Variants in MYO1B observed in about 807,000 individuals in gnomAD.
The protein encoded by MYO1B is myosin IB, also known as unconventional myosin-Ib.
In MYO1B, 72 loss-of-function variants were observed where a neutral mutation model predicts 159.7. The observed-to-expected ratio is 0.45, with a 90% CI of 0.37 to 0.55. The LOEUF is 0.55. Among genes scored for constraint, MYO1B ranks in the 20% least tolerant of loss-of-function variants. The probability of loss-of-function intolerance (pLI) is 0.00; values close to 1 mark genes in which losing one functional copy is unlikely to be tolerated. For missense variants in MYO1B, 1,062 were observed against 1,364.8 expected (o/e 0.78, Z 3.50); for synonymous variants, 468 against 473.8 (o/e 0.99, Z 0.16).
chr2:191,300,548 T>A (rs1404632885), intron 3 of MYO1B, among the ~76,000 whole-genome samples: 1 of 151,656 alleles, frequency 6.6e-6, no homozygotes, highest in Non-Finnish European at 1.5e-5. Flanking sequence ...TTCACCATAT[T>A]GGCCAGGCTG....
At chr2:191,408,224 A>G (rs1697047114) in intron 25 of MYO1B, 35 bp downstream of exon 25, 2 of 1,492,402 alleles carry the variant, frequency 1.3e-6, no homozygotes, top group Admixed American at 1.7e-5. Context: ...GATAATCAGC[A>G]TTGTGGAATT....
chr2:191,301,991 C>T (rs1559152357), intron 3 of MYO1B, among the ~76,000 whole-genome samples: 1 of 152,172 alleles, frequency 6.6e-6, no homozygotes, highest in African/African-American at 2.4e-5. Flanking sequence ...TTTAGCTGTC[C>T]TCCCTGCTCT....
intron 1 of MYO1B, among the ~76,000 whole-genome samples, chr2:191,273,659 T>C (rs2125729424): frequency 6.6e-6 from 1 of 152,338 alleles, no homozygotes; most frequent in Admixed American, 6.5e-5. Flanking sequence ...GTTGATTGAC[T>C]TAGCCTAGAT....
At chr2:191,285,339 G>C (rs12105453) in intron 2 of MYO1B, among the ~76,000 whole-genome samples, 4,554 of 152,262 alleles carry the variant, frequency 0.03, 235 homozygotes, top group African/African-American at 0.1. Context: ...TTCATAGTCT[G>C]AAATGACTGG....
At chr2:191,323,827 A>G (rs961862185) in intron 3 of MYO1B, among the ~76,000 whole-genome samples, 1 of 152,164 alleles carries the variant, frequency 6.6e-6, no homozygotes, top group Non-Finnish European at 1.5e-5. Flanking sequence ...CCGGTTATGT[A>G]GCCAAAGGAA....
intron 3 of MYO1B, among the ~76,000 whole-genome samples, chr2:191,305,955 G>A (rs1689625710): frequency 1.3e-5 from 2 of 152,090 alleles, no homozygotes; most frequent in Non-Finnish European, 2.9e-5. Flanking sequence ...TTCATCATAC[G>A]TTATTTGGGT....
At chr2:191,324,458 T>G (rs2125903310) in intron 3 of MYO1B, among the ~76,000 whole-genome samples, 1 of 152,280 alleles carries the variant, frequency 6.6e-6, no homozygotes, top group East Asian at 1.9e-4. Flanking sequence ...CTTTTTAGAA[T>G]CCATATAGAG....
intron 2 of MYO1B, among the ~76,000 whole-genome samples, chr2:191,280,855 T>C (rs1162181597): frequency 6.6e-6 from 1 of 152,188 alleles, no homozygotes; most frequent in Non-Finnish European, 1.5e-5. Flanking sequence ...GTTGATGTCA[T>C]GTTAAAGGAT....
chr2:191,338,797 A>G (rs1017999357), intron 4 of MYO1B, among the ~76,000 whole-genome samples: 1 of 152,184 alleles, frequency 6.6e-6, no homozygotes, highest in Non-Finnish European at 1.5e-5. Context: ...AAAGAGCCTG[A>G]CCTAAACTTT....
intron 3 of MYO1B, among the ~76,000 whole-genome samples, chr2:191,313,247 G>A (rs1215203533): frequency 9.7e-6 from 1 of 103,032 alleles, no homozygotes; most frequent in Non-Finnish European, 1.8e-5. Context: ...TTTCACTCTT[G>A]TTGCCCAGGC....
intron 4 of MYO1B, among the ~76,000 whole-genome samples, chr2:191,334,186 G>A (rs567554222): frequency 1.8e-4 from 27 of 151,792 alleles, no homozygotes; most frequent in Non-Finnish European, 2.4e-4. Context: ...AGTGGGTTGC[G>A]GTCATTGTTT....
chr2:191,247,209 G>T (rs1685845463), intron 1 of MYO1B, among the ~76,000 whole-genome samples: 1 of 152,180 alleles, frequency 6.6e-6, no homozygotes, highest in South Asian at 2.1e-4. Context: ...TAATTTAGGA[G>T]ACATTCTGTT....
At position 191,245,559 on chromosome 2, in the gene MYO1B, G is replaced by A. The variant is rs990676961; in HGVS notation, c.-77G>A. On this transcript the variant is annotated 5_prime_UTR_variant, in exon 1 of 31. Transcript: ENST00000392318. Reference sequence around the variant, plus strand: ...CAGCCCCGGGCTGGGCCCGCGTCCCGGAGCGCCACCGGAGAGCGAGGACGA... The same window carrying A: ...CAGCCCCGGGCTGGGCCCGCGTCCCAGAGCGCCACCGGAGAGCGAGGACGA... The A allele has an allele frequency of 2.0e-5, 3 of 152,116 alleles. No homozygotes were observed. The highest frequency in any genetic ancestry group is 7.2e-5 in the African/African-American group (3 of 41,434). The allele number at this position is 152,116 out of a possible 1,614,324, so 9.4% of individuals were successfully genotyped here.
intron 1 of MYO1B, among the ~76,000 whole-genome samples, chr2:191,266,608 C>T (rs1322457983): frequency 6.6e-6 from 1 of 152,122 alleles, no homozygotes. Flanking sequence ...ATTTTCAGAC[C>T]CGTCAGAAAA....
At chr2:191,318,924 G>T (rs1559165038) in intron 3 of MYO1B, among the ~76,000 whole-genome samples, 2 of 152,144 alleles carry the variant, frequency 1.3e-5, no homozygotes, top group East Asian at 3.8e-4. Flanking sequence ...AAGCATGGCT[G>T]TTTAGTCACT....
intron 6 of MYO1B, 117 bp downstream of exon 6, chr2:191,346,399 A>G (rs1692568905): frequency 4.6e-6 from 3 of 648,710 alleles, no homozygotes; most frequent in East Asian, 6.9e-5. Context: ...GAGGAACATC[A>G]TCTCTATTGA....
At chr2:191,409,239 A>T in intron 26 of MYO1B, 61 bp downstream of exon 26, 1 of 1,532,578 alleles carries the variant, frequency 6.5e-7, no homozygotes, top group Non-Finnish European at 8.9e-7. Context: ...GTGTTTAAAA[A>T]CACATAAAAT....
intron 1 of MYO1B, among the ~76,000 whole-genome samples, chr2:191,251,853 A>G (rs1216571827): frequency 4.6e-5 from 7 of 152,050 alleles, no homozygotes; most frequent in East Asian, 2.0e-4. Context: ...AGCTCCCCCA[A>G]AATACACAAA....
chr2:191,421,190 T>G (rs1461554541), intron 30 of MYO1B, among the ~76,000 whole-genome samples: 1 of 151,670 alleles, frequency 6.6e-6, no homozygotes, highest in Non-Finnish European at 1.5e-5. Context: ...CTGCCTCAGT[T>G]CCCCGAGTAG....
Sources: gnomAD v4.1 joint callset for allele counts (sites outside exome capture counted in the v4.1 genomes callset) on GRCh38, gnomAD v4.1.1 for gene constraint, MANE v1.5 for transcripts, NCBI Gene and HGNC (gene_info 2026-07-23, HGNC 2026-07-21) for gene names.